Variants in DNAI3 observed in about 807,000 individuals in gnomAD.
DNAI3 encodes dynein axonemal intermediate chain 3, also known as WD repeat domain 63.
In DNAI3, 83 loss-of-function variants were observed where a neutral mutation model predicts 115.5. The ratio of observed to expected loss-of-function variants is 0.72; its 90% confidence interval spans 0.60 to 0.86. DNAI3 has a LOEUF of 0.86. Ranked by LOEUF, DNAI3 falls within the 40% of genes least tolerant of loss-of-function variation. The pLI, the probability that DNAI3 is intolerant of heterozygous loss-of-function variation, is 0.00. For synonymous variants in DNAI3, 320 were observed against 347.0 expected, an observed-to-expected ratio of 0.92 and a Z score of 0.86; for missense variants, 1,004 against 1,075.8, an observed-to-expected ratio of 0.93 and a Z score of 0.93.
Position 85,098,527 on chromosome 1 carries a change from C to A in DNAI3, c.1351-3C>A. ...CACTTAACTTTCTTTTAATATTTTT[C>A]AGCCTATGTTTCTCCTTGAACCGGA... On this transcript the variant is annotated splice_region_variant and splice_polypyrimidine_tract_variant and intron_variant, in intron 12 of 22. Transcript: ENST00000294664. The A allele has an allele frequency of 6.2e-7, 1 of 1,608,048 alleles. No individual in the cohort carries two copies. The highest frequency in any genetic ancestry group is 1.1e-5 in the South Asian group (1 of 89,208).
chr1:85,119,925 C>T (rs1223532802), intron 17 of DNAI3, among the ~76,000 whole-genome samples: 1 of 152,202 alleles, frequency 6.6e-6, no homozygotes, highest in Non-Finnish European at 1.5e-5. Flanking sequence ...GTCTTGAACT[C>T]CTGACCTCAG....
intron 1 of DNAI3, 133 bp from the exon 2 acceptor site, chr1:85,071,795 C>A: frequency 1.2e-6 from 1 of 805,900 alleles, no homozygotes; most frequent in Non-Finnish European, 2.0e-6. Flanking sequence ...TATGAAGATA[C>A]AGGTTGATTT....
intron 8 of DNAI3, among the ~76,000 whole-genome samples, chr1:85,091,980 C>G (rs1235066027): frequency 2.6e-5 from 4 of 152,172 alleles, no homozygotes; most frequent in Non-Finnish European, 5.9e-5. Flanking sequence ...TTGGGCTTAA[C>G]CAGAAAGAAA....
intron 21 of DNAI3, among the ~76,000 whole-genome samples, 182 bp downstream of exon 21, chr1:85,128,981 C>T (rs1017506711): frequency 2.0e-5 from 3 of 152,008 alleles, no homozygotes; most frequent in African/African-American, 7.3e-5. Context: ...AAAAAAAAGC[C>T]CCAAACATGA....
rs529178556 is a variant in DNAI3, at chr1:85,104,640, G to A, written c.1553+43G>A. 3 of 1,564,452 alleles carry A rather than the reference G, an allele frequency of 1.9e-6. No individual in the cohort carries two copies. In the South Asian group the frequency reaches 3.4e-5, roughly 18 times the overall value. The stretch of plus-strand genomic sequence containing the variant: ...CATTTCCTAATGTGTTTTCATACAT[G>A]GTGTTTTTTCTTCGATGCTCCTAAA... On this transcript the variant is annotated intron_variant, in intron 14 of 22. Transcript: ENST00000294664.
chr1:85,129,029 G>A (rs1280502061), intron 21 of DNAI3, among the ~76,000 whole-genome samples: 3 of 152,208 alleles, frequency 2.0e-5, no homozygotes, highest in Non-Finnish European at 4.4e-5. Context: ...TCCAGATTCT[G>A]AGAGAATAAT....
chr1:85,130,326 C>A, intron 22 of DNAI3: 1 of 641,702 alleles, frequency 1.6e-6, no homozygotes, highest in Non-Finnish European at 2.5e-6. Flanking sequence ...CTGAAATTTT[C>A]TATAATTTCA....
intron 14 of DNAI3, among the ~76,000 whole-genome samples, chr1:85,105,437 C>G (rs1468915606): frequency 1.4e-5 from 2 of 146,662 alleles, no homozygotes; most frequent in African/African-American, 5.0e-5. Context: ...ATATTTGCAA[C>G]AACCCTGAAA....
Position 85,110,046 on chromosome 1 carries a change from A to G in DNAI3, c.1699-2A>G, listed in dbSNP as rs1200945745. 1 of 1,612,552 alleles carries G rather than the reference A, an allele frequency of 6.2e-7. No homozygotes were observed. The highest frequency in any genetic ancestry group is 1.7e-5 in the Admixed American group (1 of 59,920). On this transcript the variant is annotated splice_acceptor_variant, in intron 15 of 22. Coordinates refer to ENST00000294664, the MANE Select transcript of DNAI3 (RefSeq NM_145172.5). LOFTEE classifies it high-confidence loss of function. ...AATCTTTGCTATATGTTCTCCCAAA[A>G]GGTAAGGCTGTCCAAGGGTGAAACA...
chr1:85,072,731 G>A (rs537667180), intron 2 of DNAI3, among the ~76,000 whole-genome samples: 5 of 151,702 alleles, frequency 3.3e-5, no homozygotes, highest in East Asian at 1.9e-4. Context: ...CAAGGTGGAC[G>A]GATCACAAGG....
intron 17 of DNAI3, among the ~76,000 whole-genome samples, chr1:85,120,251 G>A (rs1480338347): frequency 1.3e-5 from 2 of 152,194 alleles, no homozygotes; most frequent in Non-Finnish European, 1.5e-5. Flanking sequence ...AGATGTTCAG[G>A]GAGGCATCAC....
chr1:85,116,668 A>G (rs1419443240), intron 16 of DNAI3, among the ~76,000 whole-genome samples: 1 of 152,210 alleles, frequency 6.6e-6, no homozygotes, highest in Non-Finnish European at 1.5e-5. Context: ...TGCTCTTCCT[A>G]CATGTATTAT....
chr1:85,114,015 C>CT (rs58178754), intron 16 of DNAI3, among the ~76,000 whole-genome samples: 8 of 117,666 alleles, frequency 6.8e-5, no homozygotes, highest in Admixed American at 1.8e-4. Context: ...CAATTTGTAT[C>CT]TTTTTTTTTT....
In DNAI3 at chr1:85,090,979, C is replaced by T. The variant is rs769209226; in HGVS notation, c.857+747C>T. On this transcript the variant is annotated intron_variant, in intron 8 of 22. Transcript: ENST00000294664. ...AAACTTTTTTATTTTTAAGAAATGT[C>T]GTTGGTTCTTTCATACTGGATTAAA... 3.3e-4 allele frequency among the ~76,000 whole-genome samples: 50 copies of T among 152,126 alleles called. 1 individual carries two copies. Among genetic ancestry groups the T allele is most frequent in the African/African-American group, 7.0e-4 (29 of 41,446 alleles).
chr1:85,069,365 A>C lies in DNAI3; in HGVS notation c.-14-2563A>C, dbSNP rs1654196489. ...TTTTCTCCTTAGTAGTTCTTAAAAT[A>C]CTAGTTATATTTTCCTCCTTTATTT... On this transcript the variant is annotated intron_variant, in intron 1 of 22. Coordinates refer to ENST00000294664, the MANE Select transcript of DNAI3 (RefSeq NM_145172.5). 3.8e-5 allele frequency among the ~76,000 whole-genome samples: 3 copies of C among 78,242 alleles called. No homozygotes were observed. In the South Asian group the frequency reaches 1.4e-3, roughly 37 times the overall value. 51.3% of individuals were successfully genotyped at this position (78,242 alleles called of 152,430 possible).
At position 85,067,851 on chromosome 1, in the gene DNAI3, A is replaced by T. The variant is rs575702358; in HGVS notation, c.-14-4077A>T. On this transcript the variant is annotated intron_variant, in intron 1 of 22. Transcript: ENST00000294664. The stretch of plus-strand genomic sequence containing the variant: ...GGCAAGAAAGCAGATTCTCTCTTAG[A>T]GGCTCTGGAAAGAAAGGAATGCAGC... Among the ~76,000 whole-genome samples, 18 of 152,350 alleles carry T rather than the reference A, an allele frequency of 1.2e-4. No individual in the cohort carries two copies. In the South Asian group the frequency reaches 3.5e-3, roughly 30 times the overall value.
chr1:85,130,931 C>T (rs898881608), intron 22 of DNAI3, among the ~76,000 whole-genome samples: 2 of 152,164 alleles, frequency 1.3e-5, no homozygotes, highest in African/African-American at 4.8e-5. Context: ...TCTTCCCTTG[C>T]CCACTGGAAT....
chr1:85,114,414 A>T (rs1489248592), intron 16 of DNAI3, among the ~76,000 whole-genome samples: 2 of 152,218 alleles, frequency 1.3e-5, no homozygotes, highest in Non-Finnish European at 2.9e-5. Flanking sequence ...TTCTATATAG[A>T]TAATAATGTC....
intron 13 of DNAI3, among the ~76,000 whole-genome samples, chr1:85,100,906 A>T (rs985622601): frequency 2.7e-5 from 4 of 147,536 alleles, no homozygotes; most frequent in Non-Finnish European, 4.5e-5. Context: ...TCTCACCCAT[A>T]GGTGGGAATT....
Sources: allele counts gnomAD v4.1 joint callset (sites outside exome capture counted in the v4.1 genomes callset), GRCh38; gene constraint gnomAD v4.1.1; transcripts MANE v1.5; gene names NCBI Gene and HGNC (gene_info 2026-07-23, HGNC 2026-07-21).